AKAP19: variants seen among roughly 807,000 people sequenced by gnomAD.
The protein encoded by AKAP19 is small A-kinase anchoring protein.
chr2:190,168,171 T>C, the AKAP19 span, among the ~76,000 whole-genome samples: 1 of 152,230 alleles, frequency 6.6e-6, no homozygotes, highest in South Asian at 2.1e-4. Context: ...CTCAACACCC[T>C]GTGGAAGCTG....
the AKAP19 span, among the ~76,000 whole-genome samples, chr2:190,170,654 A>G: frequency 2.6e-5 from 4 of 152,220 alleles, no homozygotes; most frequent in African/African-American, 9.7e-5. Flanking sequence ...CTTAGAAAAG[A>G]GAAGATAACT....
the AKAP19 span, among the ~76,000 whole-genome samples, chr2:190,114,282 T>C: frequency 5.9e-5 from 9 of 152,256 alleles, no homozygotes; most frequent in Non-Finnish European, 1.2e-4. Context: ...TCTAATTCTT[T>C]ACTCATTCAT....
the AKAP19 span, among the ~76,000 whole-genome samples, chr2:190,004,617 C>T: frequency 4.0e-5 from 6 of 151,070 alleles, no homozygotes; most frequent in Non-Finnish European, 7.4e-5. Flanking sequence ...GTTTTTCACA[C>T]CTCTGACCTC....
the AKAP19 span, chr2:190,202,362 ACAAG>A: frequency 6.0e-6 from 1 of 167,062 alleles, no homozygotes; most frequent in East Asian, 1.9e-4. Flanking sequence ...TATATGAACT[ACAAG>A]GCTTGCATAA....
chr2:190,179,154 TC>T, the AKAP19 span, among the ~76,000 whole-genome samples: 1 of 152,192 alleles, frequency 6.6e-6, no homozygotes, highest in African/African-American at 2.4e-5. The surrounding 1 kb of genome is among the most constrained non-coding windows in gnomAD (Gnocchi z 6.0). Context: ...ACACCTGTAA[TC>T]CCAGCACTTT....
the AKAP19 span, among the ~76,000 whole-genome samples, chr2:189,920,589 A>G: frequency 6.6e-6 from 1 of 152,200 alleles, no homozygotes; most frequent in Non-Finnish European, 1.5e-5. Flanking sequence ...ATCCTGCCCC[A>G]AGGCCTGAGG....
chr2:190,184,339 C>T, the AKAP19 span, among the ~76,000 whole-genome samples: 5 of 152,168 alleles, frequency 3.3e-5, no homozygotes, highest in Admixed American at 6.5e-5. Context: ...AACACTACTG[C>T]AAGTTTGTAG....
chr2:189,892,961 G>T, the AKAP19 span, among the ~76,000 whole-genome samples: 1 of 152,260 alleles, frequency 6.6e-6, no homozygotes, highest in South Asian at 2.1e-4. Context: ...GAGGCAATCT[G>T]GCTACAGCAG....
At chr2:190,060,376 T>C in the AKAP19 span, 2 of 1,611,638 alleles carry the variant, frequency 1.2e-6, no homozygotes, top group Non-Finnish European at 1.7e-6. Flanking sequence ...TATTGTATTT[T>C]AGAGCTAAAT....
chr2:190,056,290 A>T, the AKAP19 span: 1 of 152,542 alleles, frequency 6.6e-6, no homozygotes, highest in East Asian at 1.9e-4. Context: ...TTACAAAACA[A>T]TATTGTATAC....
At chr2:190,115,767 C>G in the AKAP19 span, among the ~76,000 whole-genome samples, 1 of 152,136 alleles carries the variant, frequency 6.6e-6, no homozygotes, top group African/African-American at 2.4e-5. Context: ...CTTTCCTGGT[C>G]AGAGAATGAG....
chr2:190,041,447 AT>A, the AKAP19 span, among the ~76,000 whole-genome samples: 1 of 152,202 alleles, frequency 6.6e-6, no homozygotes, highest in Non-Finnish European at 1.5e-5. Context: ...TAGATATAGA[AT>A]TATGTCATCT....
the AKAP19 span, among the ~76,000 whole-genome samples, chr2:190,080,559 G>GT: frequency 6.6e-6 from 1 of 152,224 alleles, no homozygotes; most frequent in Non-Finnish European, 1.5e-5. Context: ...CAGGCACTTG[G>GT]TAAGACCCAA....
the AKAP19 span, among the ~76,000 whole-genome samples, chr2:190,046,474 CT>C: frequency 1.3e-5 from 2 of 152,298 alleles, no homozygotes; most frequent in South Asian, 2.1e-4. Context: ...ATTCCCACCC[CT>C]AGTCTCTTTC....
At chr2:190,088,300 T>C in the AKAP19 span, among the ~76,000 whole-genome samples, 1 of 151,960 alleles carries the variant, frequency 6.6e-6, no homozygotes, top group African/African-American at 2.4e-5. Context: ...AGAAGAAAAA[T>C]GAAGATGCAA....
chr2:190,022,963 T>C, the AKAP19 span, among the ~76,000 whole-genome samples: 1 of 152,174 alleles, frequency 6.6e-6, no homozygotes, highest in Non-Finnish European at 1.5e-5. Flanking sequence ...GAAGAGGTGA[T>C]ATCTTAACTG....
At chr2:189,931,752 G>C in the AKAP19 span, among the ~76,000 whole-genome samples, 1 of 151,986 alleles carries the variant, frequency 6.6e-6, no homozygotes, top group Non-Finnish European at 1.5e-5. Flanking sequence ...CCAAGTAGCT[G>C]AAACTATAGG....
chr2:189,973,683 G>GATT, the AKAP19 span, among the ~76,000 whole-genome samples: 1 of 152,086 alleles, frequency 6.6e-6, no homozygotes, highest in Non-Finnish European at 1.5e-5. Flanking sequence ...GTTATTCAGG[G>GATT]ATTCAACTTC....
the AKAP19 span, among the ~76,000 whole-genome samples, chr2:190,039,059 TC>T: frequency 4.7e-5 from 7 of 150,312 alleles, no homozygotes; most frequent in Non-Finnish European, 7.4e-5. Flanking sequence ...CTCTTCTTCC[TC>T]TTCTTCCTCT....
Sources: allele counts gnomAD v4.1 joint callset (sites outside exome capture counted in the v4.1 genomes callset), GRCh38; gene constraint gnomAD v4.1.1; non-coding constraint Gnocchi (gnomAD v3.1); transcripts MANE v1.5; gene names NCBI Gene and HGNC (gene_info 2026-07-23, HGNC 2026-07-21).